Variants in PLEKHA6 observed in about 807,000 individuals in gnomAD.
PLEKHA6 encodes pleckstrin homology domain-containing family A member 6.
In PLEKHA6, 60 loss-of-function variants were observed where a neutral mutation model predicts 116.7. The ratio of observed to expected loss-of-function variants is 0.51; its 90% CI spans 0.42 to 0.64. PLEKHA6 has a LOEUF of 0.64. Ranked by LOEUF, PLEKHA6 falls within the 30% of genes least tolerant of loss-of-function variation. The pLI is 0.00. For missense variants in PLEKHA6, 1,338 were observed against 1,422.7 expected, an observed-to-expected ratio of 0.94 and a Z score of 0.96; for synonymous variants, 489 against 556.1, an observed-to-expected ratio of 0.88 and a Z score of 1.70.
intron 9 of PLEKHA6, among the ~76,000 whole-genome samples, chr1:204,254,956 C>T (rs1350310854): frequency 6.6e-6 from 1 of 152,132 alleles, no homozygotes; most frequent in Non-Finnish European, 1.5e-5. Context: ...AGGGTTAGAA[C>T]CCCGGAGCAG....
At chr1:204,268,981 G>A (rs1571990381) in intron 3 of PLEKHA6, among the ~76,000 whole-genome samples, 2 of 152,080 alleles carry the variant, frequency 1.3e-5, no homozygotes, top group African/African-American at 4.8e-5. Context: ...TCCTTGCTCA[G>A]GAGCATGACC....
chr1:204,257,914 C>G lies in PLEKHA6; in HGVS notation c.1008-45G>C, dbSNP rs1665576531. Reference sequence around the variant, plus strand: ...GTAATGAAGGCAGACAACACGGGCACCCCTCCACCCACCCCAGCCCCACCT... The same window carrying G: ...GTAATGAAGGCAGACAACACGGGCAGCCCTCCACCCACCCCAGCCCCACCT... On this transcript the variant is annotated intron_variant, in intron 8 of 22. Coordinates refer to ENST00000272203, the MANE Select transcript of PLEKHA6 (RefSeq NM_014935.5). The surrounding 1 kb of genome is among the most constrained non-coding windows in gnomAD (Gnocchi z 6.5). The G allele has an allele frequency of 1.4e-5, 21 of 1,547,194 alleles. No homozygotes were observed. Among genetic ancestry groups the G allele is most frequent in the Non-Finnish European group, 1.8e-5 (21 of 1,138,788 alleles).
At chr1:204,281,362 A>G (rs998693153) in intron 1 of PLEKHA6, among the ~76,000 whole-genome samples, 1 of 152,024 alleles carries the variant, frequency 6.6e-6, no homozygotes, top group Non-Finnish European at 1.5e-5. Context: ...TGTCTCTACT[A>G]AAAATACAAA....
rs561860114 is a variant in PLEKHA6 at position 204,234,099 on chromosome 1, G to T, written c.2410-3513C>A. On this transcript the variant is annotated intron_variant, in intron 17 of 22. Transcript: ENST00000272203. Reference sequence around the variant, plus strand: ...AATAGGTCTCTGCAGATGTAATTAAGAATCTCAAGATGAGATAATCCTGGA... The same window carrying T: ...AATAGGTCTCTGCAGATGTAATTAATAATCTCAAGATGAGATAATCCTGGA... Among the ~76,000 whole-genome samples, 53 of 152,258 alleles carry T rather than the reference G, an allele frequency of 3.5e-4. 1 individual carries two copies. The South Asian group carries it at 0.01, about 30-fold the overall frequency.
At chr1:204,281,834 T>G (rs1668653057) in intron 1 of PLEKHA6, among the ~76,000 whole-genome samples, 1 of 152,170 alleles carries the variant, frequency 6.6e-6, no homozygotes, top group Non-Finnish European at 1.5e-5. Flanking sequence ...CTCGGCTGCA[T>G]GTCTAGGAGA....
intron 1 of PLEKHA6, among the ~76,000 whole-genome samples, chr1:204,347,583 T>C (rs946035971): frequency 4.6e-5 from 7 of 151,402 alleles, no homozygotes; most frequent in South Asian, 2.1e-4. Context: ...AGGGTATTGA[T>C]TGGGGAAGCG....
chr1:204,246,047 A>G (rs1398464757), intron 13 of PLEKHA6, among the ~76,000 whole-genome samples: 1 of 152,136 alleles, frequency 6.6e-6, no homozygotes. Flanking sequence ...CTAAGTGAAC[A>G]CTTTATGGTA....
intron 1 of PLEKHA6, among the ~76,000 whole-genome samples, chr1:204,347,536 TAA>T (rs939498902): frequency 2.8e-4 from 43 of 151,226 alleles, no homozygotes; most frequent in African/African-American, 1.0e-3. Context: ...ATGACAGGAT[TAA>T]GAGATTAAAG....
intron 1 of PLEKHA6, among the ~76,000 whole-genome samples, chr1:204,328,905 T>C (rs1327029431): frequency 2.0e-5 from 3 of 152,218 alleles, no homozygotes; most frequent in Non-Finnish European, 4.4e-5. Context: ...TAGAAACTAA[T>C]GTGGAGAGAA....
intron 13 of PLEKHA6, among the ~76,000 whole-genome samples, chr1:204,246,880 A>T (rs946678592): frequency 3.3e-5 from 5 of 152,238 alleles, no homozygotes; most frequent in Non-Finnish European, 4.4e-5. Context: ...TCATGCCTGT[A>T]ATCCCAGCAG....
intron 1 of PLEKHA6, among the ~76,000 whole-genome samples, chr1:204,373,429 A>G (rs1673813094): frequency 6.6e-6 from 1 of 152,040 alleles, no homozygotes; most frequent in South Asian, 2.1e-4. Context: ...TATGTTGCCC[A>G]GGTTGGTTAC....
chr1:204,228,995 G>A lies in PLEKHA6; in HGVS notation c.2693C>T (p.Ala898Val), dbSNP rs765805457. The A allele has an allele frequency of 1.2e-6, 2 of 1,614,134 alleles. No individual in the cohort carries two copies. Among genetic ancestry groups the A allele is most frequent in the Admixed American group, 3.3e-5 (2 of 60,018 alleles). The change falls in exon 19 of 23, where the codon GCC becomes GTC. Residue 898 changes from alanine to valine, a missense_variant. Transcript: ENST00000272203. This position sits in a 1 kb window ranked among gnomAD's most constrained non-coding sequence, Gnocchi z 4.0. ...CTCTAGCTCCATTTTGCGAAGCCGGGCAATTTCCTCCCGGGGTGTCTCGTA... is the reference window on the plus strand; with the variant it reads ...CTCTAGCTCCATTTTGCGAAGCCGGACAATTTCCTCCCGGGGTGTCTCGTA... ...HAYETPREEI[A>V]RLRKMELEPQ...
intron 1 of PLEKHA6, chr1:204,308,899 C>T (rs1671534363): frequency 6.5e-6 from 1 of 154,796 alleles, no homozygotes; most frequent in Non-Finnish European, 1.4e-5. Flanking sequence ...CTGTGTTAGC[C>T]AGGATGGTCT....
intron 1 of PLEKHA6, chr1:204,313,775 CTAAT>C (rs2103182742): frequency 1.1e-6 from 1 of 876,014 alleles, no homozygotes; most frequent in South Asian, 5.2e-5. Flanking sequence ...ATGTAGGTGT[CTAAT>C]TAAGCAAGCA....
chr1:204,311,791 C>T, intron 1 of PLEKHA6: 1 of 508,760 alleles, frequency 2.0e-6, no homozygotes. Flanking sequence ...CATTTTATTT[C>T]TTTAGAGGAG....
At chr1:204,246,965 G>A (rs1663778683) in intron 13 of PLEKHA6, among the ~76,000 whole-genome samples, 1 of 152,090 alleles carries the variant, frequency 6.6e-6, no homozygotes, top group Non-Finnish European at 1.5e-5. Flanking sequence ...GGGAGACCCT[G>A]ACTCTACAAA....
At chr1:204,256,839 TA>T in intron 9 of PLEKHA6, 1 of 665,354 alleles carries the variant, frequency 1.5e-6, no homozygotes, top group Non-Finnish European at 2.7e-6. Flanking sequence ...TGGGTAGTTG[TA>T]GGGGAACAGT....
At chr1:204,367,558 C>T (rs535709323) in intron 3 of PLEKHA6, among the ~76,000 whole-genome samples, 120 of 152,266 alleles carry the variant, frequency 7.9e-4, no homozygotes, top group Non-Finnish European at 1.5e-3. Context: ...ACTCCACCCA[C>T]CCCACCCCAG....
At chr1:204,273,147 T>C (rs1667648291) in intron 3 of PLEKHA6, among the ~76,000 whole-genome samples, 1 of 152,188 alleles carries the variant, frequency 6.6e-6, no homozygotes, top group Non-Finnish European at 1.5e-5. Context: ...TCTTCCTTCC[T>C]TCCCCCTCTC....
Sources: allele counts gnomAD v4.1 joint callset (sites outside exome capture counted in the v4.1 genomes callset), GRCh38; gene constraint gnomAD v4.1.1; non-coding constraint Gnocchi (gnomAD v3.1); transcripts MANE v1.5; gene names NCBI Gene and HGNC (gene_info 2026-07-23, HGNC 2026-07-21).